The following RHBDD1 variants were observed in gnomAD, a reference collection of about 807,000 sequenced individuals.
RHBDD1 encodes rhomboid-related protein 4.
Under a neutral mutation model 36.3 loss-of-function variants are expected in RHBDD1, and 38 were observed. The observed-to-expected ratio is 1.05, with a 90% CI of 0.81 to 1.37. The LOEUF is 1.37. RHBDD1 is among the 40% of genes most tolerant of loss of function. The pLI, the probability that RHBDD1 is intolerant of heterozygous loss-of-function variation, is 0.00. For missense variants in RHBDD1, 393 were observed against 377.6 expected (o/e 1.04, Z -0.34); for synonymous variants, 151 against 136.5 (o/e 1.11, Z -0.74).
At chr2:226,917,247 C>T (rs2125732564) in intron 8 of RHBDD1, among the ~76,000 whole-genome samples, 2 of 152,004 alleles carry the variant, frequency 1.3e-5, no homozygotes, top group South Asian at 4.1e-4. Context: ...GTTGATTTTT[C>T]ATAAATTTAA....
intron 8 of RHBDD1, among the ~76,000 whole-genome samples, chr2:226,936,674 A>G (rs916705488): frequency 3.3e-5 from 5 of 152,106 alleles, no homozygotes; most frequent in African/African-American, 1.2e-4. Context: ...GATTTCAGAA[A>G]TATTTCTTTG....
chr2:226,891,226 A>G (rs910120719), intron 5 of RHBDD1, among the ~76,000 whole-genome samples: 1 of 152,118 alleles, frequency 6.6e-6, no homozygotes, highest in Non-Finnish European at 1.5e-5. Context: ...GAAGGCTCCA[A>G]TGCCAGCTCC....
chr2:226,861,302 A>T (rs1943830658), intron 3 of RHBDD1, among the ~76,000 whole-genome samples: 1 of 152,174 alleles, frequency 6.6e-6, no homozygotes, highest in African/African-American at 2.4e-5. Context: ...GGAGGAGTGA[A>T]GCCTCAGGAG....
the RHBDD1 span, among the ~76,000 whole-genome samples, chr2:226,810,427 C>T: frequency 1.7e-4 from 26 of 149,574 alleles, no homozygotes; most frequent in Non-Finnish European, 2.4e-4. Context: ...ATAATCTCAG[C>T]TACTTGTGAG....
At chr2:226,980,277 C>T (rs1169862821) in intron 8 of RHBDD1, among the ~76,000 whole-genome samples, 1 of 152,154 alleles carries the variant, frequency 6.6e-6, no homozygotes, top group Non-Finnish European at 1.5e-5. Flanking sequence ...TCAACCTCAG[C>T]TCTTTCTGAT....
At chr2:226,868,151 G>A (rs766027177) in intron 5 of RHBDD1, among the ~76,000 whole-genome samples, 3 of 152,190 alleles carry the variant, frequency 2.0e-5, no homozygotes, top group Non-Finnish European at 4.4e-5. Context: ...GTGGAATGGG[G>A]CCCCTTTCAC....
intron 6 of RHBDD1, 43 bp from the exon 7 acceptor site, chr2:226,908,779 G>C (rs1292284284): frequency 5.9e-6 from 8 of 1,364,556 alleles, no homozygotes; most frequent in Non-Finnish European, 8.4e-6. Flanking sequence ...AGCATTTAAA[G>C]CTTTATGGCT....
chr2:226,987,050 C>T (rs1035397296), intron 8 of RHBDD1, among the ~76,000 whole-genome samples: 3 of 152,122 alleles, frequency 2.0e-5, no homozygotes, highest in Non-Finnish European at 2.9e-5. Context: ...AGCTGGAAAC[C>T]ATCATTCTCA....
At chr2:226,840,265 C>T (rs886076820) in intron 3 of RHBDD1, among the ~76,000 whole-genome samples, 4 of 152,114 alleles carry the variant, frequency 2.6e-5, no homozygotes, top group Non-Finnish European at 5.9e-5. Flanking sequence ...GAAAATCTAT[C>T]AAATTTCTGG....
At chr2:226,927,565 GTGTT>G (rs1017110601) in intron 8 of RHBDD1, among the ~76,000 whole-genome samples, 7 of 152,010 alleles carry the variant, frequency 4.6e-5, no homozygotes, top group African/African-American at 1.4e-4. Context: ...GTTTTCCTAA[GTGTT>G]TGTACCAGTT....
intron 3 of RHBDD1, among the ~76,000 whole-genome samples, chr2:226,847,183 A>G (rs1312597338): frequency 6.6e-6 from 1 of 152,216 alleles, no homozygotes; most frequent in Non-Finnish European, 1.5e-5. Flanking sequence ...TTATTCCCTA[A>G]TATACAAGTT....
the RHBDD1 span, among the ~76,000 whole-genome samples, chr2:226,816,661 C>G: frequency 6.6e-6 from 1 of 152,176 alleles, no homozygotes; most frequent in Admixed American, 6.5e-5. Flanking sequence ...TTTGGCGGGC[C>G]AAGGTGGGTG....
chr2:226,994,857 A>G (rs1959058043), intron 8 of RHBDD1, among the ~76,000 whole-genome samples: 1 of 152,202 alleles, frequency 6.6e-6, no homozygotes, highest in Non-Finnish European at 1.5e-5. Context: ...AGTCCTTCAT[A>G]TGATCTTGAA....
chr2:226,867,703 T>C (rs1944455476), intron 5 of RHBDD1: 1 of 935,244 alleles, frequency 1.1e-6, no homozygotes. Context: ...GTTGATCTAA[T>C]GCTTTTTATT....
intron 8 of RHBDD1, among the ~76,000 whole-genome samples, chr2:226,958,992 G>T (rs1352018219): frequency 6.6e-6 from 1 of 152,016 alleles, no homozygotes; most frequent in Non-Finnish European, 1.5e-5. Flanking sequence ...TAATGTATAT[G>T]CCCGGAGCTG....
At chr2:226,893,268 A>G (rs549690242) in intron 5 of RHBDD1, among the ~76,000 whole-genome samples, 1 of 152,342 alleles carries the variant, frequency 6.6e-6, no homozygotes, top group East Asian at 1.9e-4. Context: ...TGTTAAAATC[A>G]GGCTATAAAC....
rs150372771 is a variant in RHBDD1 at position 226,993,676 on chromosome 2, A to G, written c.857-1755A>G. ...GAGGTATAATTCTCCCATGCTCTCA[A>G]CAGGAAAGGAGAATCAGTTATGGGG... On this transcript the variant is annotated intron_variant, in intron 8 of 8. Transcript: ENST00000392062. 8.6e-3 allele frequency among the ~76,000 whole-genome samples: 1,317 copies of G among 152,302 alleles called. 26 individuals are homozygous for G. The highest frequency in any genetic ancestry group is 0.03 in the African/African-American group (1,233 of 41,552).
In RHBDD1 at chr2:226,995,868, G is replaced by T; in HGVS notation, c.*346G>T. 1 of 240,746 alleles carries T rather than the reference G, an allele frequency of 4.2e-6. No homozygotes were observed. The highest frequency in any genetic ancestry group is 9.0e-5 in the South Asian group (1 of 11,166). 14.9% of individuals were successfully genotyped at this position (240,746 alleles called of 1,614,324 possible). A position where few individuals can be genotyped will look rare whatever the true frequency, so the allele number is the denominator to read the frequency against. On this transcript the variant is annotated 3_prime_UTR_variant, in exon 9 of 9. Transcript: ENST00000392062. ...TCACCAGGAGGTTTTACTTACACCA[G>T]TCGGGAAGATTAGTCCCTCATTCTG...
At chr2:226,895,183 C>T (rs1328680798) in intron 5 of RHBDD1, among the ~76,000 whole-genome samples, 1 of 152,196 alleles carries the variant, frequency 6.6e-6, no homozygotes, top group Admixed American at 6.5e-5. Context: ...ACACGCTTGT[C>T]ACAGTGGTGA....
Sources: gnomAD v4.1 joint callset for allele counts (sites outside exome capture counted in the v4.1 genomes callset) on GRCh38, gnomAD v4.1.1 for gene constraint, MANE v1.5 for transcripts, NCBI Gene and HGNC (gene_info 2026-07-23, HGNC 2026-07-21) for gene names.